The following CHRM5 variants were observed in gnomAD, a reference collection of about 807,000 sequenced individuals.
CHRM5 encodes muscarinic acetylcholine receptor M5.
CHRM5 carries 18 observed loss-of-function variants against 39.0 expected under a neutral mutation model. The observed-to-expected ratio is 0.46, with a 90% CI of 0.32 to 0.68. The LOEUF is 0.68. Ranked by LOEUF, CHRM5 falls within the 30% of genes least tolerant of loss-of-function variation. CHRM5 has a pLI of 0.04. For synonymous variants in CHRM5, 241 were observed against 246.3 expected (o/e 0.98, Z 0.20); for missense variants, 515 against 651.1 (o/e 0.79, Z 2.28).
At position 34,064,651 on chromosome 15, in the gene CHRM5, A is replaced by G. The variant is rs1900464156; in HGVS notation, c.*335A>G. 7.0e-6 allele frequency: 2 copies of G among 286,384 alleles called. No homozygotes were observed. Among genetic ancestry groups the G allele is most frequent in the East Asian group, 7.7e-5 (1 of 12,926 alleles). 17.7% of individuals were successfully genotyped at this position (286,384 alleles called of 1,614,324 possible). Reference sequence around the variant, plus strand: ...AGGGAACTTATGCCCCTTCTGTAGGAAACAGCAGAGACCAGGTGGAAACCT... The same window carrying G: ...AGGGAACTTATGCCCCTTCTGTAGGGAACAGCAGAGACCAGGTGGAAACCT... On this transcript the variant is annotated 3_prime_UTR_variant, in exon 3 of 3. Transcript: ENST00000383263.
At chr15:34,021,542 AT>A (rs1048520745) in intron 1 of CHRM5, among the ~76,000 whole-genome samples, 1 of 151,922 alleles carries the variant, frequency 6.6e-6, no homozygotes, top group African/African-American at 2.4e-5. Context: ...CGCCTGGCTT[AT>A]TTTCTGTATC....
chr15:34,061,284 T>C (rs1300087730), intron 2 of CHRM5, among the ~76,000 whole-genome samples: 1 of 152,110 alleles, frequency 6.6e-6, no homozygotes, highest in Non-Finnish European at 1.5e-5. Flanking sequence ...AGGGAAAATT[T>C]CATTTTAGTT....
intron 1 of CHRM5, among the ~76,000 whole-genome samples, chr15:34,038,456 G>C (rs1005937307): frequency 5.9e-5 from 9 of 152,158 alleles, no homozygotes; most frequent in South Asian, 2.1e-4. Context: ...GCCGGCCCAC[G>C]GGCCGCCGAG....
At chr15:34,051,888 A>G (rs1472453084) in intron 2 of CHRM5, among the ~76,000 whole-genome samples, 3 of 152,094 alleles carry the variant, frequency 2.0e-5, no homozygotes, top group Non-Finnish European at 4.4e-5. Flanking sequence ...ACCCAGGACC[A>G]GACAGATTTA....
intron 1 of CHRM5, among the ~76,000 whole-genome samples, chr15:33,996,846 G>A (rs1337588887): frequency 1.3e-5 from 2 of 152,164 alleles, no homozygotes; most frequent in Non-Finnish European, 2.9e-5. Context: ...AAAGCTGGAT[G>A]GAGAATGACT....
chr15:34,025,795 A>T (rs777256040), intron 1 of CHRM5, among the ~76,000 whole-genome samples: 4 of 138,594 alleles, frequency 2.9e-5, no homozygotes. Flanking sequence ...CGCATGTGTA[A>T]AGCGGAGGAA....
Position 34,065,414 on chromosome 15 carries a change from C to T in CHRM5, c.*1098C>T, listed in dbSNP as rs1050971859. 2 of 152,164 alleles carry T rather than the reference C, an allele frequency of 1.3e-5. No homozygotes were observed. The highest frequency in any genetic ancestry group is 2.1e-4 in the South Asian group (1 of 4,824). The allele number at this position is 152,164 out of a possible 1,614,324, so 9.4% of individuals were successfully genotyped here. Reference sequence around the variant, plus strand: ...TTCAGATCCCCAGTTCACACCAAGACGCAAGCAGGTCAGCTGTGCTGCCTC... The same window carrying T: ...TTCAGATCCCCAGTTCACACCAAGATGCAAGCAGGTCAGCTGTGCTGCCTC... On this transcript the variant is annotated 3_prime_UTR_variant, in exon 3 of 3. Transcript: ENST00000383263.
chr15:34,043,204 A>G (rs1475034055), intron 1 of CHRM5, among the ~76,000 whole-genome samples: 10 of 151,208 alleles, frequency 6.6e-5, no homozygotes, highest in Non-Finnish European at 1.3e-4. Context: ...CCGAGATCAC[A>G]CCACTGCACT....
intron 1 of CHRM5, chr15:33,990,989 T>C (rs1408078295): frequency 6.6e-6 from 1 of 152,152 alleles, no homozygotes; most frequent in Non-Finnish European, 1.5e-5. Context: ...TAGTACAAAA[T>C]GTCCCTCTGG....
chr15:34,032,924 C>T (rs1227358374), intron 1 of CHRM5, among the ~76,000 whole-genome samples: 1 of 152,228 alleles, frequency 6.6e-6, no homozygotes, highest in East Asian at 1.9e-4. Flanking sequence ...GAACCTAATA[C>T]AGTCATCACT....
At chr15:33,995,346 C>T (rs1896890100) in intron 1 of CHRM5, among the ~76,000 whole-genome samples, 1 of 152,056 alleles carries the variant, frequency 6.6e-6, no homozygotes, top group Non-Finnish European at 1.5e-5. Context: ...TACAGTATAA[C>T]TTTACATAGC....
chr15:34,030,205 G>A (rs1322684603), intron 1 of CHRM5, among the ~76,000 whole-genome samples: 1 of 152,144 alleles, frequency 6.6e-6, no homozygotes, highest in Non-Finnish European at 1.5e-5. Context: ...AGGGAGCTGA[G>A]ATCACACCAC....
chr15:33,995,875 G>A (rs1896911393), intron 1 of CHRM5, among the ~76,000 whole-genome samples: 1 of 152,244 alleles, frequency 6.6e-6, no homozygotes, highest in Non-Finnish European at 1.5e-5. Flanking sequence ...AGCGGGGCGG[G>A]GCGCTGCCTC....
At chr15:34,039,779 GAGGT>G (rs1899388909) in intron 1 of CHRM5, among the ~76,000 whole-genome samples, 1 of 152,190 alleles carries the variant, frequency 6.6e-6, no homozygotes, top group African/African-American at 2.4e-5. Context: ...ACAGCTCTAT[GAGGT>G]AGGGATGACT....
chr15:34,044,083 C>T (rs1349800886), intron 1 of CHRM5, among the ~76,000 whole-genome samples: 1 of 150,054 alleles, frequency 6.7e-6, no homozygotes, highest in East Asian at 2.0e-4. Context: ...TATTTTCGCC[C>T]TTTAAAAAAA....
intron 1 of CHRM5, among the ~76,000 whole-genome samples, chr15:34,024,894 G>A (rs1477177041): frequency 1.4e-5 from 2 of 147,812 alleles, no homozygotes; most frequent in Non-Finnish European, 3.0e-5. Context: ...AGAAAGAAAG[G>A]TGGCGAGGCC....
intron 1 of CHRM5, among the ~76,000 whole-genome samples, chr15:33,978,024 G>GGGAT (rs1895962276): frequency 6.6e-6 from 1 of 150,770 alleles, no homozygotes; most frequent in Admixed American, 6.6e-5. Flanking sequence ...GAGGGAGGGA[G>GGGAT]GGATGGAAGG....
In CHRM5 at chr15:34,035,967, T is replaced by C. The variant is rs1899100242; in HGVS notation, c.-407-10573T>C. Among the ~76,000 whole-genome samples the C allele has an allele frequency of 4.6e-5, 7 of 152,058 alleles. 1 individual carries two copies. The highest frequency in any genetic ancestry group is 3.3e-4 in the Admixed American group (5 of 15,262). ...CACCCCGCCATGCTCGGCAGTTTTG[T>C]ATTTTTTTTATAGAGAGGGGGTCTC... is the stretch of plus-strand genomic sequence containing the variant. On this transcript the variant is annotated intron_variant, in intron 1 of 2. Transcript: ENST00000383263.
At chr15:33,978,995 T>G (rs992409133) in intron 1 of CHRM5, among the ~76,000 whole-genome samples, 2 of 152,130 alleles carry the variant, frequency 1.3e-5, no homozygotes, top group Non-Finnish European at 2.9e-5. Flanking sequence ...AAATGGGACC[T>G]ACTGGCTCAT....
Sources: gnomAD v4.1 joint callset for allele counts (sites outside exome capture counted in the v4.1 genomes callset) on GRCh38, gnomAD v4.1.1 for gene constraint, MANE v1.5 for transcripts, NCBI Gene and HGNC (gene_info 2026-07-23, HGNC 2026-07-21) for gene names.